Variants in GRM4 observed in about 807,000 individuals in gnomAD.
GRM4 encodes metabotropic glutamate receptor 4.
GRM4 carries 28 observed loss-of-function variants against 81.7 expected under a neutral mutation model. That is an observed-to-expected ratio of 0.34 (90% CI 0.25 to 0.47). GRM4 has a LOEUF of 0.47. Among genes scored for constraint, GRM4 ranks in the 20% least tolerant of loss-of-function variants. The probability of loss-of-function intolerance (pLI) is 1.00; values close to 1 mark genes in which losing one functional copy is unlikely to be tolerated. For missense variants in GRM4, 948 were observed against 1,290.0 expected, an observed-to-expected ratio of 0.73 and a Z score of 4.06; for synonymous variants, 488 against 528.8, an observed-to-expected ratio of 0.92 and a Z score of 1.06.
chr6:34,030,189 G>T (rs1340553383), intron 9 of GRM4, among the ~76,000 whole-genome samples: 1 of 152,242 alleles, frequency 6.6e-6, no homozygotes, highest in Non-Finnish European at 1.5e-5. Context: ...AGAGTCTCGG[G>T]CTAATGGAGA....
intron 3 of GRM4, among the ~76,000 whole-genome samples, chr6:34,072,598 CCA>C (rs200974018): frequency 0.05 from 7,201 of 144,234 alleles, 65 homozygotes; most frequent in East Asian, 0.13. Context: ...CAGATACAGA[CCA>C]CACACACACA....
At chr6:34,060,284 C>T (rs1249925164) in intron 4 of GRM4, 2 of 152,216 alleles carry the variant, frequency 1.3e-5, no homozygotes, top group East Asian at 3.9e-4. Flanking sequence ...TAAGGCTGCT[C>T]TCAGAACCCA....
rs920501068 is a variant in GRM4, at chr6:34,064,047, C to T, written c.737-2019G>A. Among the ~76,000 whole-genome samples the T allele has an allele frequency of 2.0e-5, 3 of 152,174 alleles. No homozygotes were observed. The highest frequency in any genetic ancestry group is 1.3e-4 in the Admixed American group (2 of 15,284). On this transcript the variant is annotated intron_variant, in intron 3 of 10. Coordinates refer to ENST00000538487, the MANE Select transcript of GRM4 (RefSeq NM_000841.4). The surrounding 1 kb of genome is among the most constrained non-coding windows in gnomAD (Gnocchi z 4.4). ...TCTTGCCTGGCACCTCAGGGCATAT[C>T]TTGCAAGCTTCGTTTTGCTGGTGAA...
At chr6:34,145,910 TG>T in intron 1 of GRM4, 89 bp downstream of exon 1, 1 of 791,700 alleles carries the variant, frequency 1.3e-6, no homozygotes, top group Non-Finnish European at 1.5e-6. Context: ...CCCGCCCTGC[TG>T]GCAGCTCCCC....
At chr6:34,072,498 TACAA>T (rs1285964562) in intron 3 of GRM4, among the ~76,000 whole-genome samples, 1 of 132,276 alleles carries the variant, frequency 7.6e-6, no homozygotes, top group Non-Finnish European at 1.6e-5. Context: ...ATCACACAGA[TACAA>T]ACCACACACA....
rs1388990810 is a variant in GRM4, at chr6:34,068,765, G to C, written c.737-6737C>G. Among the ~76,000 whole-genome samples the C allele has an allele frequency of 6.6e-6, 1 of 152,042 alleles. No homozygotes were observed. Among genetic ancestry groups the C allele is most frequent in the East Asian group, 1.9e-4 (1 of 5,178 alleles). On this transcript the variant is annotated intron_variant, in intron 3 of 10. Coordinates refer to ENST00000538487, the MANE Select transcript of GRM4 (RefSeq NM_000841.4). The surrounding 1 kb of genome is among the most constrained non-coding windows in gnomAD (Gnocchi z 4.2). ...GAGACAGTCAGGGGTCCCCCAGGCTGTCACCTTGGACACTGGGCTCCAGAC... is the reference window on the plus strand; with the variant it reads ...GAGACAGTCAGGGGTCCCCCAGGCTCTCACCTTGGACACTGGGCTCCAGAC...
chr6:34,044,038 A>ACACACACATAGACATACATACATACACAT (rs1765139081), intron 6 of GRM4, among the ~76,000 whole-genome samples: 2 of 151,666 alleles, frequency 1.3e-5, no homozygotes, highest in Non-Finnish European at 1.5e-5. Context: ...ACATACACAC[A>ACACACACATAGACATACATACATACACAT]CACACACATA....
At chr6:34,077,667 G>A (rs1020351197) in intron 3 of GRM4, among the ~76,000 whole-genome samples, 1 of 151,448 alleles carries the variant, frequency 6.6e-6, no homozygotes, top group Non-Finnish European at 1.5e-5. Flanking sequence ...AACTCTAACA[G>A]CACCTGCAGT....
At chr6:34,091,169 C>T (rs1360187309) in intron 3 of GRM4, among the ~76,000 whole-genome samples, 3 of 152,218 alleles carry the variant, frequency 2.0e-5, no homozygotes, top group Admixed American at 2.0e-4. Flanking sequence ...CAGGGGCCTG[C>T]TCCCGGGCCC....
chr6:34,073,406 G>A (rs1039142635), intron 3 of GRM4, among the ~76,000 whole-genome samples: 7 of 121,130 alleles, frequency 5.8e-5, no homozygotes, highest in African/African-American at 2.3e-4. Context: ...TACACACACA[G>A]TCACATACAC....
chr6:34,077,553 C>T (rs1246250188), intron 3 of GRM4, among the ~76,000 whole-genome samples: 3 of 152,286 alleles, frequency 2.0e-5, no homozygotes, highest in Admixed American at 6.5e-5. Context: ...TCCCTCACAC[C>T]TTCAGTGGCT....
intron 2 of GRM4, among the ~76,000 whole-genome samples, chr6:34,105,715 T>C (rs1769091287): frequency 6.6e-6 from 1 of 152,136 alleles, no homozygotes; most frequent in Non-Finnish European, 1.5e-5. Flanking sequence ...CCCATCCAGC[T>C]GCTGCTCCCC....
rs1769537105 is a variant in GRM4 at position 34,115,087 on chromosome 6, C to T, written c.519+17891G>A. Among the ~76,000 whole-genome samples the T allele has an allele frequency of 6.6e-6, 1 of 152,206 alleles. No individual in the cohort carries two copies. Among genetic ancestry groups the T allele is most frequent in the Admixed American group, 6.5e-5 (1 of 15,290 alleles). On this transcript the variant is annotated intron_variant, in intron 2 of 10. Transcript: ENST00000538487. The surrounding 1 kb of genome is among the most constrained non-coding windows in gnomAD (Gnocchi z 4.1). ...AGCAGCTGTCCCCAGATGCTGCTAA[C>T]CTCTCCTCAGGGGTTGCCTGGGTGC... is the stretch of plus-strand genomic sequence containing the variant.
chr6:34,071,741 A>G (rs1766883482), intron 3 of GRM4, among the ~76,000 whole-genome samples: 2 of 150,630 alleles, frequency 1.3e-5, no homozygotes, highest in African/African-American at 4.9e-5. Flanking sequence ...GATATAAACC[A>G]CACACAACCA....
rs117039639 is a variant in GRM4, at chr6:34,077,432, C to T, written c.736+14451G>A. On this transcript the variant is annotated intron_variant, in intron 3 of 10. Coordinates refer to ENST00000538487, the MANE Select transcript of GRM4 (RefSeq NM_000841.4). Reference sequence around the variant, plus strand: ...ATTCACGGCGCACCTCCACTCCTGTCGACACCATCTTTCCAGACCACAGCC... The same window carrying T: ...ATTCACGGCGCACCTCCACTCCTGTTGACACCATCTTTCCAGACCACAGCC... 1.8e-4 allele frequency among the ~76,000 whole-genome samples: 27 copies of T among 152,238 alleles called. No individual in the cohort carries two copies. In the East Asian group the frequency reaches 5.2e-3, roughly 29 times the overall value.
chr6:34,071,924 C>G (rs1353845378), intron 3 of GRM4, among the ~76,000 whole-genome samples: 2 of 152,150 alleles, frequency 1.3e-5, no homozygotes, highest in African/African-American at 4.8e-5. Flanking sequence ...CACACAGATA[C>G]ACAGCACACA....
chr6:34,102,309 A>G (rs1768882725), intron 2 of GRM4, among the ~76,000 whole-genome samples: 1 of 152,184 alleles, frequency 6.6e-6, no homozygotes, highest in South Asian at 2.1e-4. Context: ...ATTTTAACAA[A>G]GCATTTTCAT....
intron 1 of GRM4, among the ~76,000 whole-genome samples, chr6:34,154,602 C>T (rs1336706883): frequency 6.7e-6 from 1 of 148,606 alleles, no homozygotes; most frequent in Non-Finnish European, 1.5e-5. Flanking sequence ...CACACACACA[C>T]ACACACACAC....
At position 34,039,813 on chromosome 6, in the gene GRM4, GC is replaced by G. The variant is rs1220092062; in HGVS notation, c.1506+364del. Among the ~76,000 whole-genome samples the G allele has an allele frequency of 8.4e-3, 774 of 91,964 alleles. 4 individuals are homozygous for G. Among genetic ancestry groups the G allele is most frequent in the African/African-American group, 0.022 (525 of 24,056 alleles). 60.3% of individuals were successfully genotyped at this position (91,964 alleles called of 152,430 possible). On this transcript the variant is annotated intron_variant, in intron 8 of 10. Coordinates refer to ENST00000538487, the MANE Select transcript of GRM4 (RefSeq NM_000841.4). ...CCCCCTCCTCACCTTATTCCCCCAT[GC>G]CCCCCCCATCACCCCCCACTTGCCC...
Sources: allele counts gnomAD v4.1 joint callset (sites outside exome capture counted in the v4.1 genomes callset), GRCh38; gene constraint gnomAD v4.1.1; non-coding constraint Gnocchi (gnomAD v3.1); transcripts MANE v1.5; gene names NCBI Gene and HGNC (gene_info 2026-07-23, HGNC 2026-07-21).